FMN2: variants seen among roughly 807,000 people sequenced by gnomAD.
The protein encoded by FMN2 is formin-2.
FMN2 carries 51 observed loss-of-function variants against 142.3 expected under a neutral mutation model. The ratio of observed to expected loss-of-function variants is 0.36; its 90% confidence interval spans 0.29 to 0.45. FMN2 has a LOEUF of 0.45. Among genes scored for constraint, FMN2 ranks in the 20% least tolerant of loss-of-function variants. FMN2 has a pLI of 1.00. For missense variants in FMN2, 1,936 were observed against 2,122.8 expected (o/e 0.91, Z 1.73); for synonymous variants, 882 against 869.8 (o/e 1.01, Z -0.25).
intron 2 of FMN2, among the ~76,000 whole-genome samples, chr1:240,166,867 AT>A (rs1169255624): frequency 6.6e-6 from 1 of 152,206 alleles, no homozygotes; most frequent in African/African-American, 2.4e-5. Flanking sequence ...CACGCCTGTA[AT>A]CCCAGAACTT....
intron 7 of FMN2, among the ~76,000 whole-genome samples, chr1:240,281,223 CCTTT>C (rs1226242344): frequency 1.3e-5 from 2 of 152,074 alleles, no homozygotes; most frequent in African/African-American, 4.8e-5. Flanking sequence ...TGCAGGAAAG[CCTTT>C]CTTTATGTAG....
At chr1:240,239,653 G>A (rs1403057639) in intron 6 of FMN2, among the ~76,000 whole-genome samples, 2 of 152,214 alleles carry the variant, frequency 1.3e-5, no homozygotes, top group African/African-American at 2.4e-5. Context: ...AAAAGCACCA[G>A]CATACTCTAT....
At chr1:240,219,512 A>G (rs1032269763) in intron 6 of FMN2, among the ~76,000 whole-genome samples, 6 of 152,222 alleles carry the variant, frequency 3.9e-5, no homozygotes, top group African/African-American at 1.4e-4. Context: ...ATTTGAGGGC[A>G]TAAGTTTAAG....
intron 1 of FMN2, among the ~76,000 whole-genome samples, chr1:240,097,281 T>C (rs567164145): frequency 6.6e-6 from 1 of 152,274 alleles, no homozygotes; most frequent in Non-Finnish European, 1.5e-5. Context: ...GGCTTCAGTC[T>C]GTAGTTTCTG....
chr1:240,427,617 T>C (rs9659911), intron 15 of FMN2, among the ~76,000 whole-genome samples: 84,547 of 152,104 alleles, frequency 0.56, 24,999 homozygotes, highest in Middle Eastern at 0.67. Flanking sequence ...CCTATGACAC[T>C]TTTTTCTACT....
chr1:240,369,761 A>G (rs1245298630), intron 14 of FMN2, among the ~76,000 whole-genome samples: 1 of 152,150 alleles, frequency 6.6e-6, no homozygotes, highest in Non-Finnish European at 1.5e-5. Flanking sequence ...ATTTTCCCTC[A>G]GGATCTTTTA....
chr1:240,186,941 T>C lies in FMN2; in HGVS notation c.1931-1266T>C, dbSNP rs539236305. ...ATTGTCACATATATCAGCTACCATGTGGCTAAATTGGAAATGTCAAAATGA... is the reference window on the plus strand; with the variant it reads ...ATTGTCACATATATCAGCTACCATGCGGCTAAATTGGAAATGTCAAAATGA... On this transcript the variant is annotated intron_variant, in intron 3 of 17. Coordinates refer to ENST00000319653, the MANE Select transcript of FMN2 (RefSeq NM_020066.5). Among the ~76,000 whole-genome samples, 9 of 152,092 alleles carry C rather than the reference T, an allele frequency of 5.9e-5. No individual in the cohort carries two copies. In the South Asian group the frequency reaches 1.7e-3, roughly 28 times the overall value.
intron 7 of FMN2, among the ~76,000 whole-genome samples, chr1:240,266,355 G>T (rs1321639939): frequency 6.6e-6 from 1 of 151,878 alleles, no homozygotes; most frequent in Non-Finnish European, 1.5e-5. Flanking sequence ...TATTAAATAG[G>T]GAGTCCTTTC....
intron 14 of FMN2, among the ~76,000 whole-genome samples, chr1:240,375,033 G>A (rs1480160011): frequency 6.6e-6 from 1 of 152,088 alleles, no homozygotes; most frequent in Non-Finnish European, 1.5e-5. Context: ...GCCTAATTTC[G>A]ACACTGTTGT....
intron 1 of FMN2, among the ~76,000 whole-genome samples, chr1:240,116,638 C>T (rs904503328): frequency 6.6e-6 from 1 of 152,012 alleles, no homozygotes; most frequent in Admixed American, 6.6e-5. Flanking sequence ...CCCATGTAGT[C>T]CCAGCACTTT....
intron 1 of FMN2, among the ~76,000 whole-genome samples, chr1:240,111,342 A>C (rs1347726720): frequency 3.3e-5 from 5 of 152,224 alleles, no homozygotes; most frequent in Non-Finnish European, 7.3e-5. Flanking sequence ...CCTTAGAGTA[A>C]AGTGAAAGCA....
chr1:240,112,743 C>G (rs1488282264), intron 1 of FMN2, among the ~76,000 whole-genome samples: 4 of 152,180 alleles, frequency 2.6e-5, no homozygotes, highest in Non-Finnish European at 5.9e-5. Flanking sequence ...CAGAGCCTAA[C>G]TCTTCCTTTA....
chr1:240,132,744 G>T (rs1461461322), intron 2 of FMN2, among the ~76,000 whole-genome samples: 1 of 152,100 alleles, frequency 6.6e-6, no homozygotes, highest in East Asian at 1.9e-4. Flanking sequence ...GGATGGACGT[G>T]GAATACTCTC....
chr1:240,181,476 A>G (rs1174906738), intron 3 of FMN2, among the ~76,000 whole-genome samples: 1 of 152,020 alleles, frequency 6.6e-6, no homozygotes, highest in African/African-American at 2.4e-5. Context: ...TCCTTTATGG[A>G]TTGGTGAAGG....
intron 1 of FMN2, among the ~76,000 whole-genome samples, chr1:240,102,912 T>C (rs1661463590): frequency 6.6e-6 from 1 of 151,658 alleles, no homozygotes; most frequent in Non-Finnish European, 1.5e-5. Context: ...TCACCCAGGC[T>C]GGAATACAGT....
intron 14 of FMN2, among the ~76,000 whole-genome samples, chr1:240,374,764 C>G (rs1672989133): frequency 6.6e-6 from 1 of 152,144 alleles, no homozygotes; most frequent in Non-Finnish European, 1.5e-5. Flanking sequence ...TTCATTTCTT[C>G]ACTGAAGTAG....
chr1:240,459,717 T>TA lies in FMN2; in HGVS notation c.5061-12617dup, dbSNP rs57065226. Among the ~76,000 whole-genome samples, 314 of 67,102 alleles carry TA rather than the reference T, an allele frequency of 4.7e-3. 22 individuals are homozygous for TA. The highest frequency in any genetic ancestry group is 6.5e-3 in the East Asian group (13 of 1,996). 44.0% of individuals were successfully genotyped at this position (67,102 alleles called of 152,430 possible). A position where few individuals can be genotyped will look rare whatever the true frequency, so the allele number is the denominator to read the frequency against. On this transcript the variant is annotated intron_variant, in intron 16 of 17. Coordinates refer to ENST00000319653, the MANE Select transcript of FMN2 (RefSeq NM_020066.5). Reference sequence around the variant, plus strand: ...GGGTGACAGAACAAGACTCTGTCTCTAAAAAAAAAAAAAAAAAAAAAAAAA... The same window carrying TA: ...GGGTGACAGAACAAGACTCTGTCTCTAAAAAAAAAAAAAAAAAAAAAAAAAA...
intron 16 of FMN2, among the ~76,000 whole-genome samples, chr1:240,459,903 T>G (rs1306640121): frequency 1.3e-5 from 2 of 152,096 alleles, no homozygotes; most frequent in Admixed American, 1.3e-4. Context: ...CAAGTTAAAG[T>G]TTCGTCTCAG....
Position 240,208,585 on chromosome 1 carries a change from A to C in FMN2, c.3773A>C (p.Gln1258Pro). 2 of 1,613,468 alleles carry C rather than the reference A, an allele frequency of 1.2e-6. No individual in the cohort carries two copies. Among genetic ancestry groups the C allele is most frequent in the Non-Finnish European group, 1.7e-6 (2 of 1,179,936 alleles). ...GGGAGTAGCACTTTACCAACCCCACAGGTGTGTGGATTTCTTCCTCCTCCA... is the reference window on the plus strand; with the variant it reads ...GGGAGTAGCACTTTACCAACCCCACCGGTGTGTGGATTTCTTCCTCCTCCA... ...QVGSSTLPTP[Q>P]VCGFLPPPLP... The change falls in exon 5 of 18, where the codon CAG becomes CCG. Residue 1258 changes from glutamine (Q) to proline (P), a missense_variant. Coordinates refer to ENST00000319653, the MANE Select transcript of FMN2 (RefSeq NM_020066.5).
Sources: allele counts gnomAD v4.1 joint callset (sites outside exome capture counted in the v4.1 genomes callset), GRCh38; gene constraint gnomAD v4.1.1; transcripts MANE v1.5; gene names NCBI Gene and HGNC (gene_info 2026-07-23, HGNC 2026-07-21).